The following B3GALT5 variants were observed in gnomAD, a reference collection of about 807,000 sequenced individuals.
B3GALT5 encodes the protein UDP-Gal:betaGlcNAc beta 1,3-galactosyltransferase, polypeptide 5.
For synonymous variants in B3GALT5, 156 were observed against 158.6 expected (o/e 0.98, Z 0.12); for missense variants, 328 against 396.6 (o/e 0.83, Z 1.47).
intron 1 of B3GALT5, among the ~76,000 whole-genome samples, chr21:39,622,494 T>C (rs2079139198): frequency 6.6e-6 from 1 of 152,070 alleles, no homozygotes; most frequent in African/African-American, 2.4e-5. Flanking sequence ...TGCTATGTAG[T>C]GTTGATACTT....
Position 39,663,276 on chromosome 21 carries a change from T to TC in B3GALT5, c.*1785dup, listed in dbSNP as rs2079546391. On this transcript the variant is annotated 3_prime_UTR_variant, in exon 4 of 4. Transcript: ENST00000684187. ...GTGTCTGTGTGGCCACTGGTCTCAG[T>TC]CGGCGAGGCCGGTCCAGCTGCTGCC... is the stretch of plus-strand genomic sequence containing the variant. The TC allele has an allele frequency of 6.6e-6, 1 of 152,540 alleles. No individual in the cohort carries two copies. Among genetic ancestry groups the TC allele is most frequent in the East Asian group, 1.9e-4 (1 of 5,202 alleles). The allele number at this position is 152,540 out of a possible 1,614,324, so 9.4% of individuals were successfully genotyped here.
chr21:39,638,752 C>G (rs2079248380), intron 1 of B3GALT5, among the ~76,000 whole-genome samples: 1 of 152,212 alleles, frequency 6.6e-6, no homozygotes, highest in Non-Finnish European at 1.5e-5. Flanking sequence ...CCCCTAGACA[C>G]TGCCGTGGGG....
rs370924346 is a variant in B3GALT5 at position 39,668,895 on chromosome 21, A to G, written c.*7403A>G. On this transcript the variant is annotated 3_prime_UTR_variant, in exon 4 of 4. Transcript: ENST00000684187. ...ATGTGGGTTAAATGAGAGGATGAGT[A>G]TAAACTGCTCAACATCCCATGGTAG... is the stretch of plus-strand genomic sequence containing the variant. The G allele has an allele frequency of 6.6e-6, 1 of 152,276 alleles. No homozygotes were observed. Among genetic ancestry groups the G allele is most frequent in the African/African-American group, 2.4e-5 (1 of 41,478 alleles). 9.4% of individuals were successfully genotyped at this position (152,276 alleles called of 1,614,324 possible). A position where few individuals can be genotyped will look rare whatever the true frequency, so the allele number is the denominator to read the frequency against.
rs1252285837 is a variant in B3GALT5 at position 39,657,755 on chromosome 21, A to G, written c.-160-1998A>G. On this transcript the variant is annotated intron_variant, in intron 2 of 3. Coordinates refer to ENST00000684187, the MANE Select transcript of B3GALT5 (RefSeq NM_001356336.2). ...AATCTACCTATCAATCTTTCTATCTATCCATAACCTGTTGATTCGATCTCT... is the reference window on the plus strand; with the variant it reads ...AATCTACCTATCAATCTTTCTATCTGTCCATAACCTGTTGATTCGATCTCT... 6.1e-6 allele frequency: 5 copies of G among 817,664 alleles called. No homozygotes were observed. In the South Asian group the frequency reaches 1.9e-4, roughly 31 times the overall value. 50.7% of individuals were successfully genotyped at this position (817,664 alleles called of 1,614,324 possible).
intron 1 of B3GALT5, 112 bp from the exon 2 acceptor site, chr21:39,646,280 C>T (rs2079338930): frequency 6.6e-6 from 1 of 152,140 alleles, no homozygotes; most frequent in Non-Finnish European, 1.5e-5. Flanking sequence ...CTTGATGTTA[C>T]TTCTTCCTCC....
Position 39,660,942 on chromosome 21 carries a change from A to G in B3GALT5, c.383A>G (p.Tyr128Cys), listed in dbSNP as rs775638905. The change falls in exon 4 of 4, where the codon TAT becomes TGT. Residue 128 changes from tyrosine (Y) to cysteine (C), a missense_variant. Coordinates refer to ENST00000684187, the MANE Select transcript of B3GALT5 (RefSeq NM_001356336.2). ...ATCCAGAAGGATTTCCTAGACGTCT[A>G]TTACAATCTGACCCTGAAGACCATG... ...DIIQKDFLDV[Y>C]YNLTLKTMMG... 8 of 1,607,320 alleles carry G rather than the reference A, an allele frequency of 5.0e-6. No individual in the cohort carries two copies. In the Admixed American group the frequency reaches 5.0e-5, roughly 10 times the overall value.
At chr21:39,625,437 T>C (rs994980465) in intron 1 of B3GALT5, among the ~76,000 whole-genome samples, 10 of 152,238 alleles carry the variant, frequency 6.6e-5, no homozygotes, top group Non-Finnish European at 1.5e-4. Context: ...CCTCGCAAGC[T>C]TGAATTCTTT....
chr21:39,619,135 A>T (rs2079121977), intron 1 of B3GALT5, among the ~76,000 whole-genome samples: 2 of 152,142 alleles, frequency 1.3e-5, no homozygotes, highest in Middle Eastern at 3.2e-3. Context: ...TTGGGCTGCC[A>T]TAATGAGATA....
At chr21:39,651,684 A>G (rs1534081) in intron 2 of B3GALT5, among the ~76,000 whole-genome samples, 106,838 of 152,084 alleles carry the variant, frequency 0.7, 37,775 homozygotes, top group Non-Finnish European at 0.73. Flanking sequence ...CTTTGTCACC[A>G]AAAGAAATCA....
intron 1 of B3GALT5, among the ~76,000 whole-genome samples, chr21:39,639,453 T>TTTCTTTCTTTC (rs1491203117): frequency 7.5e-6 from 1 of 132,868 alleles, no homozygotes; most frequent in African/African-American, 3.2e-5. Context: ...TCTTTCTTTC[T>TTTCTTTCTTTC]TTTTTTCTTT....
chr21:39,639,347 T>TTTTTTTCC (rs2079260072), intron 1 of B3GALT5, among the ~76,000 whole-genome samples: 8 of 66,738 alleles, frequency 1.2e-4, no homozygotes, highest in South Asian at 5.5e-4. Flanking sequence ...TCTTTCTTTC[T>TTTTTTTCC]TTCCTTCCTT....
intron 1 of B3GALT5, among the ~76,000 whole-genome samples, chr21:39,614,959 G>A (rs1380955674): frequency 1.3e-5 from 2 of 152,222 alleles, no homozygotes; most frequent in African/African-American, 4.8e-5. Flanking sequence ...TACTGATGAG[G>A]ATGGAGTCCC....
intron 1 of B3GALT5, among the ~76,000 whole-genome samples, chr21:39,623,215 C>CT: frequency 3.5e-5 from 2 of 56,838 alleles, no homozygotes; most frequent in Non-Finnish European, 6.7e-5. Flanking sequence ...CCCTCCCTCC[C>CT]TCCCTCCCTC....
intron 1 of B3GALT5, among the ~76,000 whole-genome samples, chr21:39,616,820 T>A (rs2079109694): frequency 6.6e-6 from 1 of 152,198 alleles, no homozygotes; most frequent in South Asian, 2.1e-4. Flanking sequence ...TTGATTAAAT[T>A]TATTAAAATT....
chr21:39,660,610 G>T lies in B3GALT5; in HGVS notation c.51G>T (p.Gly17=), dbSNP rs1009803369. 4.8e-6 allele frequency: 7 copies of T among 1,448,840 alleles called. No homozygotes were observed. Among genetic ancestry groups the T allele is most frequent in the Non-Finnish European group, 6.4e-6 (7 of 1,098,718 alleles). 89.7% of individuals were successfully genotyped at this position (1,448,840 alleles called of 1,614,324 possible). Reference sequence around the variant, plus strand: ...TGTATATTTGCCTTCTGGTTCTGGGGGCTCTTTGTTTGTATTTTAGCATGT... The same window carrying T: ...TGTATATTTGCCTTCTGGTTCTGGGTGCTCTTTGTTTGTATTTTAGCATGT... ...RLMYICLLVL[G]ALCLYFSMYS... is the part of the protein sequence containing the mutation. The change falls in exon 4 of 4, where the codon GGG becomes GGT. Residue 17 remains glycine (G), a synonymous_variant. Coordinates refer to ENST00000684187, the MANE Select transcript of B3GALT5 (RefSeq NM_001356336.2).
At chr21:39,660,462 C>T (rs930131604) in intron 3 of B3GALT5, 98 bp from the exon 4 acceptor site, 5 of 1,119,860 alleles carry the variant, frequency 4.5e-6, no homozygotes, top group Non-Finnish European at 5.9e-6. Flanking sequence ...CTAGAGTTTC[C>T]AAAACACGGG....
At position 39,668,116 on chromosome 21, in the gene B3GALT5, G is replaced by A. The variant is rs1704107839; in HGVS notation, c.*6624G>A. 6.6e-6 allele frequency: 1 copy of A among 152,274 alleles called. No individual in the cohort carries two copies. Among genetic ancestry groups the A allele is most frequent in the Admixed American group, 6.5e-5 (1 of 15,288 alleles). The allele number at this position is 152,274 out of a possible 1,614,324, so 9.4% of individuals were successfully genotyped here. On this transcript the variant is annotated 3_prime_UTR_variant, in exon 4 of 4. Coordinates refer to ENST00000684187, the MANE Select transcript of B3GALT5 (RefSeq NM_001356336.2). ...GTGGTTGCTTAGCAGCAATGGGTTTGCTTGGTTATTTCCTGATTTGGGGTA... is the reference window on the plus strand; with the variant it reads ...GTGGTTGCTTAGCAGCAATGGGTTTACTTGGTTATTTCCTGATTTGGGGTA...
chr21:39,648,375 A>G (rs1246486767), intron 2 of B3GALT5, among the ~76,000 whole-genome samples: 1 of 152,164 alleles, frequency 6.6e-6, no homozygotes, highest in Admixed American at 6.5e-5. Context: ...CAGAGCCTGA[A>G]TGGGGGCCAG....
rs116974561 is a variant in B3GALT5, at chr21:39,642,365, G to A, written c.-391-4027G>A. 4.1e-3 allele frequency among the ~76,000 whole-genome samples: 623 copies of A among 152,310 alleles called. 5 individuals carry two copies. Among genetic ancestry groups the A allele is most frequent in the East Asian group, 0.023 (119 of 5,176 alleles). On this transcript the variant is annotated intron_variant, in intron 1 of 3. Transcript: ENST00000684187. ...GTAATAAATTACTGATCTCTGCTCT[G>A]GGGAAACCGAGAGGATGGGACATTT...
Sources: allele counts gnomAD v4.1 joint callset (sites outside exome capture counted in the v4.1 genomes callset), GRCh38; gene constraint gnomAD v4.1.1; transcripts MANE v1.5; gene names NCBI Gene and HGNC (gene_info 2026-07-23, HGNC 2026-07-21).